The following BMPR1B variants were observed in gnomAD, a reference collection of about 807,000 sequenced individuals.
BMPR1B encodes the protein bone morphogenetic protein receptor type 1B, also known as bone morphogenetic protein receptor type-1B.
BMPR1B carries 12 observed loss-of-function variants against 59.1 expected under a neutral mutation model. That is an observed-to-expected ratio of 0.20 (90% confidence interval 0.13 to 0.33). The LOEUF (loss-of-function observed/expected upper bound fraction) is 0.33, where lower values mean the gene tolerates loss of function less well. BMPR1B is among the 10% of genes least tolerant of loss of function. The pLI, the probability that BMPR1B is intolerant of heterozygous loss-of-function variation, is 1.00. For synonymous variants in BMPR1B, 237 were observed against 207.3 expected, an observed-to-expected ratio of 1.14 and a Z score of -1.23; for missense variants, 550 against 610.9, an observed-to-expected ratio of 0.90 and a Z score of 1.05.
chr4:94,763,305 T>G (rs1396855), intron 1 of BMPR1B, among the ~76,000 whole-genome samples: 4,290 of 152,312 alleles, frequency 0.028, 92 homozygotes, highest in South Asian at 0.07. Context: ...CATTATAAAG[T>G]CTGCATTGTT....
chr4:94,768,350 TCTC>T (rs1262849613), intron 1 of BMPR1B, among the ~76,000 whole-genome samples: 1 of 151,322 alleles, frequency 6.6e-6, no homozygotes, highest in Non-Finnish European at 1.5e-5. Flanking sequence ...AAACTTACCT[TCTC>T]CTTAAAAAAC....
At chr4:94,862,435 GC>G (rs374214822) in intron 1 of BMPR1B, among the ~76,000 whole-genome samples, 56 of 151,696 alleles carry the variant, frequency 3.7e-4, no homozygotes, top group African/African-American at 1.2e-3. Context: ...ACAGGCATGA[GC>G]CACTGCACCC....
At chr4:94,818,486 A>G (rs532512404) in intron 1 of BMPR1B, among the ~76,000 whole-genome samples, 2 of 152,334 alleles carry the variant, frequency 1.3e-5, no homozygotes, top group South Asian at 4.1e-4. Flanking sequence ...CTTAGATTCT[A>G]TGCTATGCTG....
chr4:95,006,950 A>C (rs1722886232), intron 3 of BMPR1B, among the ~76,000 whole-genome samples: 1 of 152,198 alleles, frequency 6.6e-6, no homozygotes, highest in Non-Finnish European at 1.5e-5. Context: ...GTAGTGCAGC[A>C]ATTCATAAGG....
At position 94,904,873 on chromosome 4, in the gene BMPR1B, G is replaced by A. The variant is rs917026321; in HGVS notation, c.-113+28973G>A. Among the ~76,000 whole-genome samples the A allele has an allele frequency of 4.6e-5, 7 of 151,976 alleles. No homozygotes were observed. The East Asian group carries it at 9.7e-4, about 21-fold the overall frequency. ...ATTTGTTTTTCTTCATCATCCCTCAGCATTCTATGTGTATACTTTAAATGC... is the reference window on the plus strand; with the variant it reads ...ATTTGTTTTTCTTCATCATCCCTCAACATTCTATGTGTATACTTTAAATGC... On this transcript the variant is annotated intron_variant, in intron 2 of 12. Coordinates refer to ENST00000515059, the MANE Select transcript of BMPR1B (RefSeq NM_001203.3).
intron 1 of BMPR1B, among the ~76,000 whole-genome samples, chr4:94,804,458 T>C (rs1439066625): frequency 6.6e-6 from 1 of 152,196 alleles, no homozygotes; most frequent in Non-Finnish European, 1.5e-5. Context: ...TGATTTCTAA[T>C]AGAAAATAGT....
intron 3 of BMPR1B, among the ~76,000 whole-genome samples, chr4:95,012,613 A>G (rs1241381251): frequency 2.6e-5 from 4 of 152,182 alleles, no homozygotes; most frequent in Non-Finnish European, 5.9e-5. Context: ...TTGAATTAAT[A>G]TTGGCATAGA....
At chr4:95,089,935 A>G (rs73838024) in intron 3 of BMPR1B, among the ~76,000 whole-genome samples, 1 of 152,264 alleles carries the variant, frequency 6.6e-6, no homozygotes, top group African/African-American at 2.4e-5. Flanking sequence ...GATATAGACT[A>G]ATGGTAGAAT....
chr4:94,824,306 C>T (rs972353839), intron 1 of BMPR1B, among the ~76,000 whole-genome samples: 2 of 152,188 alleles, frequency 1.3e-5, no homozygotes, highest in Non-Finnish European at 1.5e-5. Context: ...CATGAATTCA[C>T]CTGTTAATCA....
At chr4:95,052,011 G>T (rs1057096606) in intron 3 of BMPR1B, among the ~76,000 whole-genome samples, 2 of 152,164 alleles carry the variant, frequency 1.3e-5, no homozygotes, top group Non-Finnish European at 2.9e-5. Flanking sequence ...TAACAATTGA[G>T]AATTAAATAC....
chr4:95,104,983 C>T (rs559767481), intron 4 of BMPR1B, among the ~76,000 whole-genome samples: 5 of 152,052 alleles, frequency 3.3e-5, no homozygotes, highest in Admixed American at 6.6e-5. Context: ...AACACCTAAG[C>T]TGCTGGGAAT....
At chr4:95,088,674 A>AT (rs36099576) in intron 3 of BMPR1B, among the ~76,000 whole-genome samples, 1 of 152,236 alleles carries the variant, frequency 6.6e-6, no homozygotes, top group Admixed American at 6.5e-5. Flanking sequence ...AAAAGTGAGT[A>AT]TTTTTTGTTT....
intron 3 of BMPR1B, among the ~76,000 whole-genome samples, chr4:95,078,211 G>T (rs181793869): frequency 2.0e-5 from 3 of 152,136 alleles, no homozygotes; most frequent in Non-Finnish European, 4.4e-5. Context: ...GTACCAGTAG[G>T]TATTACCAGT....
At chr4:95,129,786 C>A in intron 8 of BMPR1B, 76 bp from the exon 9 acceptor site, 2 of 1,459,974 alleles carry the variant, frequency 1.4e-6, no homozygotes, top group Non-Finnish European at 1.9e-6. Context: ...GTAATCGTTT[C>A]TTCTCTGGAG....
intron 3 of BMPR1B, among the ~76,000 whole-genome samples, chr4:95,041,285 G>A (rs899941802): frequency 6.6e-6 from 1 of 152,080 alleles, no homozygotes; most frequent in Non-Finnish European, 1.5e-5. Flanking sequence ...CCGGGCTCAA[G>A]CGATCCTCCT....
rs369893534 is a variant in BMPR1B, at chr4:94,766,096, A to G, written c.-183+8028A>G. Among the ~76,000 whole-genome samples the G allele has an allele frequency of 9.9e-5, 15 of 151,482 alleles. No homozygotes were observed. In the South Asian group the frequency reaches 1.9e-3, roughly 19 times the overall value. On this transcript the variant is annotated intron_variant, in intron 1 of 12. Coordinates refer to ENST00000515059, the MANE Select transcript of BMPR1B (RefSeq NM_001203.3). ...TACATAGTAAACACAAGCGTTTGAT[A>G]AGCAAGTAAATAATGAAATCTGGCA...
intron 3 of BMPR1B, among the ~76,000 whole-genome samples, chr4:95,026,112 T>TCTTTCTTTCTG (rs1724362081): frequency 7.1e-6 from 1 of 141,034 alleles, no homozygotes; most frequent in South Asian, 2.3e-4. Flanking sequence ...CTTTCTTTCT[T>TCTTTCTTTCTG]TCTTTCTTTC....
intron 9 of BMPR1B, among the ~76,000 whole-genome samples, chr4:95,130,723 CTTTTTTTTTTTTTTTTT>C (rs148720302): frequency 1.3e-5 from 1 of 77,930 alleles, no homozygotes; most frequent in Non-Finnish European, 2.2e-5. Flanking sequence ...CTTTTCTTTT[CTTTTTTTTTTTTTTTTT>C]TTTTTTTTGA....
chr4:95,049,429 T>G (rs1027320788), intron 3 of BMPR1B, among the ~76,000 whole-genome samples: 1 of 5,604 alleles, frequency 1.8e-4, no homozygotes. Flanking sequence ...GTTTTTTTTT[T>G]TTTTTTTTTT....
Sources: gnomAD v4.1 joint callset for allele counts (sites outside exome capture counted in the v4.1 genomes callset) on GRCh38, gnomAD v4.1.1 for gene constraint, MANE v1.5 for transcripts, NCBI Gene and HGNC (gene_info 2026-07-23, HGNC 2026-07-21) for gene names.